EEFSEC: variants seen among roughly 807,000 people sequenced by gnomAD.
EEFSEC encodes eukaryotic elongation factor, selenocysteine-tRNA specific, also known as selenocysteine-specific elongation factor.
Under a neutral mutation model 42.1 loss-of-function variants are expected in EEFSEC, and 43 were observed. The ratio of observed to expected loss-of-function variants is 1.02; its 90% confidence interval spans 0.80 to 1.32. EEFSEC has a LOEUF of 1.32. Ranked by LOEUF, EEFSEC falls within the 40% of genes most tolerant of loss-of-function variation. The pLI is 0.00. For synonymous variants in EEFSEC, 354 were observed against 339.1 expected (o/e 1.04, Z -0.48); for missense variants, 745 against 803.6 (o/e 0.93, Z 0.88).
chr3:128,356,553 T>C (rs755678931), intron 5 of EEFSEC, among the ~76,000 whole-genome samples: 4 of 152,196 alleles, frequency 2.6e-5, no homozygotes, highest in African/African-American at 4.8e-5. Context: ...GCCTGGTGTG[T>C]GTGTAGAAGA....
chr3:128,328,775 C>G (rs1315977644), intron 4 of EEFSEC, among the ~76,000 whole-genome samples: 5 of 152,214 alleles, frequency 3.3e-5, no homozygotes, highest in African/African-American at 9.6e-5. Context: ...AGCACCGTGC[C>G]AGGTGAGAGT....
chr3:128,206,651 A>G (rs2065699864), intron 1 of EEFSEC, among the ~76,000 whole-genome samples: 1 of 152,212 alleles, frequency 6.6e-6, no homozygotes, highest in African/African-American at 2.4e-5. Context: ...TTGATATGAG[A>G]GAAAGAGGGT....
At chr3:128,285,540 C>T (rs533025352) in intron 4 of EEFSEC, among the ~76,000 whole-genome samples, 14 of 152,170 alleles carry the variant, frequency 9.2e-5, no homozygotes, top group Admixed American at 3.3e-4. Flanking sequence ...GTCCCCTCCT[C>T]CTCACCACCT....
At chr3:128,375,280 G>A (rs549169707) in intron 6 of EEFSEC, among the ~76,000 whole-genome samples, 3 of 152,292 alleles carry the variant, frequency 2.0e-5, no homozygotes, top group African/African-American at 7.2e-5. Flanking sequence ...GTGTCTGTCT[G>A]GGGATTGGTA....
intron 6 of EEFSEC, among the ~76,000 whole-genome samples, chr3:128,400,333 C>T (rs1329596621): frequency 6.6e-6 from 1 of 152,164 alleles, no homozygotes; most frequent in Non-Finnish European, 1.5e-5. Flanking sequence ...TGGGGGTGGC[C>T]TTGCTAGGCA....
intron 5 of EEFSEC, among the ~76,000 whole-genome samples, chr3:128,356,602 A>G (rs1004652631): frequency 1.3e-5 from 2 of 152,192 alleles, no homozygotes; most frequent in Non-Finnish European, 2.9e-5. Flanking sequence ...TTTAAATTCT[A>G]TTAACTTATT....
intron 4 of EEFSEC, among the ~76,000 whole-genome samples, chr3:128,327,831 G>A (rs1192464978): frequency 6.6e-6 from 1 of 152,208 alleles, no homozygotes. Context: ...AGTACATGGA[G>A]GAGGGGGCGG....
chr3:128,153,899 G>T (rs1003606231), intron 1 of EEFSEC, 76 bp downstream of exon 1: 7 of 1,425,364 alleles, frequency 4.9e-6, no homozygotes, highest in African/African-American at 1.5e-5. Context: ...GAATTCGCTC[G>T]AGCCTTTGCC....
intron 1 of EEFSEC, among the ~76,000 whole-genome samples, chr3:128,213,554 T>G (rs1047006139): frequency 1.3e-5 from 2 of 152,088 alleles, no homozygotes; most frequent in African/African-American, 4.8e-5. Context: ...AGGAACTGCC[T>G]TACACAGTGC....
At chr3:128,240,239 G>A (rs552461225) in intron 1 of EEFSEC, among the ~76,000 whole-genome samples, 6 of 152,298 alleles carry the variant, frequency 3.9e-5, no homozygotes, top group South Asian at 4.1e-4. Context: ...GTTACAGTTC[G>A]ACCAAGAGTG....
intron 4 of EEFSEC, among the ~76,000 whole-genome samples, chr3:128,266,458 G>A (rs1424338238): frequency 2.0e-5 from 3 of 152,160 alleles, no homozygotes; most frequent in Non-Finnish European, 4.4e-5. Flanking sequence ...CCAAATGAAG[G>A]CAACCTGAGG....
intron 1 of EEFSEC, among the ~76,000 whole-genome samples, chr3:128,184,990 G>C (rs1454404015): frequency 1.3e-5 from 2 of 152,092 alleles, no homozygotes; most frequent in Admixed American, 6.5e-5. Flanking sequence ...TGCTATGATT[G>C]TGTCACTGCA....
At chr3:128,267,746 AG>A (rs1199921891) in intron 4 of EEFSEC, among the ~76,000 whole-genome samples, 3 of 152,222 alleles carry the variant, frequency 2.0e-5, no homozygotes, top group African/African-American at 7.2e-5. Flanking sequence ...TCTGTTGAAG[AG>A]AGGAGGTGTG....
intron 1 of EEFSEC, among the ~76,000 whole-genome samples, chr3:128,193,348 C>T (rs910356831): frequency 3.7e-4 from 57 of 152,348 alleles, no homozygotes; most frequent in African/African-American, 1.3e-3. Flanking sequence ...TGTTTTCCAG[C>T]AGGGTGCATC....
intron 6 of EEFSEC, among the ~76,000 whole-genome samples, chr3:128,389,519 C>G (rs2067882724): frequency 1.3e-5 from 2 of 152,234 alleles, no homozygotes; most frequent in African/African-American, 4.8e-5. Flanking sequence ...TCTGGCTATC[C>G]CCCTGGAAGA....
intron 5 of EEFSEC, among the ~76,000 whole-genome samples, chr3:128,345,822 T>C (rs1261702909): frequency 6.6e-6 from 1 of 152,226 alleles, no homozygotes; most frequent in Non-Finnish European, 1.5e-5. Context: ...GGCCTTCTGA[T>C]CCCATTTCCT....
At chr3:128,171,927 A>T (rs937173264) in intron 1 of EEFSEC, among the ~76,000 whole-genome samples, 3 of 152,226 alleles carry the variant, frequency 2.0e-5, no homozygotes, top group African/African-American at 7.2e-5. Context: ...CTATTTACAT[A>T]GCATTTTTAT....
intron 4 of EEFSEC, among the ~76,000 whole-genome samples, chr3:128,304,703 T>A (rs1314974820): frequency 7.1e-6 from 1 of 140,318 alleles, no homozygotes; most frequent in Non-Finnish European, 1.5e-5. Flanking sequence ...TTGTTTGTAA[T>A]TTTTTTTTTT....
At chr3:128,229,897 A>G (rs922159445) in intron 1 of EEFSEC, among the ~76,000 whole-genome samples, 1 of 152,038 alleles carries the variant, frequency 6.6e-6, no homozygotes, top group Non-Finnish European at 1.5e-5. Context: ...TCACACCTTG[A>G]CTTATGCCTA....
Sources: gnomAD v4.1 joint callset for allele counts (sites outside exome capture counted in the v4.1 genomes callset) on GRCh38, gnomAD v4.1.1 for gene constraint, MANE v1.5 for transcripts, NCBI Gene and HGNC (gene_info 2026-07-23, HGNC 2026-07-21) for gene names.